PPFIA2: variants seen among roughly 807,000 people sequenced by gnomAD.
PPFIA2 encodes PPFI scaffold protein A2, also known as liprin-alpha-2.
PPFIA2 carries 46 observed loss-of-function variants against 175.5 expected under a neutral mutation model. The ratio of observed to expected loss-of-function variants is 0.26; its 90% CI spans 0.21 to 0.34. PPFIA2 has a LOEUF of 0.34. Among genes scored for constraint, PPFIA2 ranks in the 10% least tolerant of loss-of-function variants. The pLI is 1.00. For missense variants in PPFIA2, 1,179 were observed against 1,506.1 expected (o/e 0.78, Z 3.60); for synonymous variants, 568 against 511.4 (o/e 1.11, Z -1.49).
chr12:81,304,133 C>T (rs1468422857), intron 22 of PPFIA2, among the ~76,000 whole-genome samples: 2 of 152,160 alleles, frequency 1.3e-5, no homozygotes, highest in African/African-American at 4.8e-5. Flanking sequence ...CCTTCTCTTG[C>T]CCTGGAGGCA....
intron 4 of PPFIA2, among the ~76,000 whole-genome samples, chr12:81,580,002 G>A (rs973166008): frequency 1.3e-5 from 2 of 151,780 alleles, no homozygotes; most frequent in African/African-American, 4.8e-5. Context: ...ATCCAAGAGA[G>A]AGAAGAGATA....
intron 6 of PPFIA2, among the ~76,000 whole-genome samples, chr12:81,445,223 GGAGAGA>G (rs1191653426): frequency 3.2e-4 from 20 of 62,770 alleles, no homozygotes; most frequent in Non-Finnish European, 5.5e-4. Context: ...GGGGGAGGGG[GGAGAGA>G]GAGAGAGAGA....
chr12:81,291,657 A>G (rs117127314), intron 24 of PPFIA2, among the ~76,000 whole-genome samples: 5,476 of 152,134 alleles, frequency 0.036, 139 homozygotes, highest in Non-Finnish European at 0.053. Flanking sequence ...AATGAAGAAA[A>G]GAAGAACTGT....
chr12:81,513,688 A>G (rs1239580113), intron 4 of PPFIA2, among the ~76,000 whole-genome samples: 2 of 152,008 alleles, frequency 1.3e-5, no homozygotes, highest in Non-Finnish European at 2.9e-5. Flanking sequence ...TTATTTTTAA[A>G]AATGATTTTA....
intron 4 of PPFIA2, chr12:81,598,471 A>G: frequency 2.8e-6 from 2 of 708,526 alleles, no homozygotes; most frequent in Non-Finnish European, 3.5e-6. Context: ...AAGCATGCAC[A>G]GTGTATTCAG....
At chr12:81,473,401 T>A (rs1265557434) in intron 4 of PPFIA2, among the ~76,000 whole-genome samples, 2 of 152,112 alleles carry the variant, frequency 1.3e-5, no homozygotes, top group African/African-American at 4.8e-5. Context: ...AGAGTGAGAC[T>A]CCACCTCAAA....
At chr12:81,462,185 G>T (rs1418444652) in intron 4 of PPFIA2, among the ~76,000 whole-genome samples, 1 of 145,072 alleles carries the variant, frequency 6.9e-6, no homozygotes, top group Non-Finnish European at 1.5e-5. Flanking sequence ...TGTAGCTGTT[G>T]TTTTGTCTAT....
chr12:81,682,019 T>G (rs1020463339), intron 3 of PPFIA2, among the ~76,000 whole-genome samples: 18 of 152,168 alleles, frequency 1.2e-4, no homozygotes, highest in Admixed American at 6.5e-4. Flanking sequence ...ACTTAAAACA[T>G]TATAATAATT....
At chr12:81,292,063 C>A (rs2045178106) in intron 24 of PPFIA2, among the ~76,000 whole-genome samples, 1 of 151,858 alleles carries the variant, frequency 6.6e-6, no homozygotes, top group Non-Finnish European at 1.5e-5. Flanking sequence ...TTTTAAAATT[C>A]CCTATTGTTC....
At chr12:81,649,884 T>C (rs2066749392) in intron 4 of PPFIA2, among the ~76,000 whole-genome samples, 1 of 152,206 alleles carries the variant, frequency 6.6e-6, no homozygotes, top group African/African-American at 2.4e-5. Context: ...TTAGTGTCAG[T>C]ATAGTCTGAC....
At chr12:81,505,690 G>A (rs376564800) in intron 4 of PPFIA2, 1 of 152,202 alleles carries the variant, frequency 6.6e-6, no homozygotes, top group East Asian at 1.9e-4. Flanking sequence ...CACACAATGA[G>A]TTCCCTCTTG....
intron 4 of PPFIA2, among the ~76,000 whole-genome samples, chr12:81,637,464 C>A (rs1186123889): frequency 6.6e-6 from 1 of 151,680 alleles, no homozygotes; most frequent in African/African-American, 2.4e-5. Flanking sequence ...CCTTTATCTA[C>A]CTGTCAAATA....
intron 4 of PPFIA2, among the ~76,000 whole-genome samples, chr12:81,659,201 T>C (rs1330893222): frequency 1.3e-5 from 2 of 152,040 alleles, no homozygotes; most frequent in Non-Finnish European, 2.9e-5. Flanking sequence ...TCACTGGGGA[T>C]TGTCAGACAG....
intron 7 of PPFIA2, chr12:81,424,874 A>G (rs1049961735): frequency 3.0e-4 from 46 of 152,358 alleles, no homozygotes; most frequent in African/African-American, 1.0e-3. Flanking sequence ...TACAACAGAC[A>G]TATCAGTGCA....
chr12:81,748,991 C>T lies in PPFIA2; in HGVS notation c.249+4982G>A, dbSNP rs573824000. On this transcript the variant is annotated intron_variant, in intron 3 of 32. Coordinates refer to ENST00000549396, the MANE Select transcript of PPFIA2 (RefSeq NM_003625.5). ...CAAATCTTTTTTTCATTATTGATTG[C>T]TATTTAATCTTTTAAAACTAAACAA... is the stretch of plus-strand genomic sequence containing the variant. 6.9e-5 allele frequency among the ~76,000 whole-genome samples: 10 copies of T among 144,226 alleles called. 3 individuals are homozygous for T. The East Asian group carries it at 2.1e-3, about 31-fold the overall frequency. 94.6% of individuals were successfully genotyped at this position (144,226 alleles called of 152,430 possible). A position where few individuals can be genotyped will look rare whatever the true frequency, so the allele number is the denominator to read the frequency against.
At chr12:81,282,934 T>C in intron 26 of PPFIA2, 76 bp downstream of exon 26, 1 of 1,309,492 alleles carries the variant, frequency 7.6e-7, no homozygotes, top group Non-Finnish European at 1.1e-6. Flanking sequence ...TATTATGACT[T>C]ATGACAGTTT....
At chr12:81,641,249 C>T (rs2064931439) in intron 4 of PPFIA2, among the ~76,000 whole-genome samples, 1 of 152,218 alleles carries the variant, frequency 6.6e-6, no homozygotes, top group South Asian at 2.1e-4. Context: ...AACTAAGTCA[C>T]CTAGTTAAAA....
At chr12:81,663,828 T>C (rs2069494815) in intron 4 of PPFIA2, among the ~76,000 whole-genome samples, 1 of 152,184 alleles carries the variant, frequency 6.6e-6, no homozygotes, top group African/African-American at 2.4e-5. Flanking sequence ...ATGGTACTGG[T>C]ACCAAAACAG....
At chr12:81,619,930 C>T (rs1192333317) in intron 4 of PPFIA2, among the ~76,000 whole-genome samples, 8 of 151,944 alleles carry the variant, frequency 5.3e-5, no homozygotes, top group African/African-American at 1.9e-4. Flanking sequence ...GAGGCCGAGG[C>T]GGGCGGATCA....
Sources: gnomAD v4.1 joint callset for allele counts (sites outside exome capture counted in the v4.1 genomes callset) on GRCh38, gnomAD v4.1.1 for gene constraint, MANE v1.5 for transcripts, NCBI Gene and HGNC (gene_info 2026-07-23, HGNC 2026-07-21) for gene names.